PRKCH: variants seen among roughly 807,000 people sequenced by gnomAD.
PRKCH encodes protein kinase C eta type.
PRKCH carries 28 observed loss-of-function variants against 82.5 expected under a neutral mutation model. The observed-to-expected ratio is 0.34, with a 90% CI of 0.25 to 0.47. The LOEUF (loss-of-function observed/expected upper bound fraction) is 0.47. PRKCH is among the 20% of genes least tolerant of loss of function. The pLI is 1.00. For synonymous variants in PRKCH, 322 were observed against 327.4 expected, an observed-to-expected ratio of 0.98 and a Z score of 0.18; for missense variants, 705 against 881.8, an observed-to-expected ratio of 0.80 and a Z score of 2.54.
At position 61,280,971 on chromosome 14, in the gene PRKCH, G is replaced by A. The variant is rs2045258325; in HGVS notation, c.-19+93303G>A. On this transcript the variant is annotated intron_variant, in intron 1 of 3. Transcript: ENST00000555185. This position sits in a 1 kb window ranked among gnomAD's most constrained non-coding sequence, Gnocchi z 5.0. ...TATAGTCGTACTCCAGCTCCTTGAT[G>A]CCGTTGGAGGAGTAGTAGAGGCCCA... The A allele has an allele frequency of 6.5e-7, 1 of 1,542,980 alleles. No individual in the cohort carries two copies. The highest frequency in any genetic ancestry group is 8.7e-7 in the Non-Finnish European group (1 of 1,147,138).
chr14:61,501,893 G>T (rs1441626147), intron 10 of PRKCH, among the ~76,000 whole-genome samples: 1 of 151,866 alleles, frequency 6.6e-6, no homozygotes, highest in African/African-American at 2.4e-5. Context: ...TCCAGAAATG[G>T]TCTATGCATA....
chr14:61,225,962 A>C (rs2044693587), intron 1 of PRKCH, among the ~76,000 whole-genome samples: 1 of 152,212 alleles, frequency 6.6e-6, no homozygotes, highest in South Asian at 2.1e-4. Flanking sequence ...CTGGGAAGAC[A>C]TAAATATAAT....
intron 5 of PRKCH, among the ~76,000 whole-genome samples, chr14:61,450,237 T>C (rs1884440760): frequency 6.6e-6 from 1 of 152,212 alleles, no homozygotes; most frequent in African/African-American, 2.4e-5. Context: ...AATTGTGGTA[T>C]GGACTGCAGA....
intron 10 of PRKCH, among the ~76,000 whole-genome samples, chr14:61,510,393 G>C (rs1887324502): frequency 6.6e-6 from 1 of 151,974 alleles, no homozygotes; most frequent in Non-Finnish European, 1.5e-5. Flanking sequence ...ACAGCTTGGG[G>C]CAAGCCAGTA....
intron 1 of PRKCH, among the ~76,000 whole-genome samples, chr14:61,271,972 T>C (rs2045157059): frequency 6.6e-6 from 1 of 152,170 alleles, no homozygotes; most frequent in South Asian, 2.1e-4. Flanking sequence ...ACGCCTGTAA[T>C]CCCAGCACTT....
At chr14:61,362,816 T>C (rs2046247367) in intron 1 of PRKCH, among the ~76,000 whole-genome samples, 1 of 152,232 alleles carries the variant, frequency 6.6e-6, no homozygotes, top group Non-Finnish European at 1.5e-5. Flanking sequence ...AAGTCAGGGA[T>C]GGCATCTGTC....
intron 1 of PRKCH, among the ~76,000 whole-genome samples, chr14:61,208,819 T>C (rs902094909): frequency 6.6e-6 from 1 of 152,150 alleles, no homozygotes; most frequent in Non-Finnish European, 1.5e-5. Context: ...CTGAATTGTG[T>C]CCCTACAAAA....
At chr14:61,457,746 T>C in intron 9 of PRKCH, 67 bp downstream of exon 9, 2 of 1,559,988 alleles carry the variant, frequency 1.3e-6, no homozygotes, top group East Asian at 2.3e-5. Context: ...AGTAAGATAC[T>C]GGAGATTTCA....
chr14:61,516,196 A>G (rs2042827267), intron 10 of PRKCH, among the ~76,000 whole-genome samples: 1 of 152,094 alleles, frequency 6.6e-6, no homozygotes. Context: ...AGGCAACTGT[A>G]AAAGCATGGT....
chr14:61,526,156 A>G (rs1187973596), intron 10 of PRKCH, among the ~76,000 whole-genome samples: 2 of 152,088 alleles, frequency 1.3e-5, no homozygotes, highest in African/African-American at 4.8e-5. Context: ...CTGTGCTCAT[A>G]TTGTATTTAT....
At chr14:61,273,986 G>A (rs528394638) in intron 1 of PRKCH, among the ~76,000 whole-genome samples, 12 of 152,296 alleles carry the variant, frequency 7.9e-5, no homozygotes, top group African/African-American at 2.6e-4. Context: ...CTCACCTCTT[G>A]TAGGACTAGC....
intron 1 of PRKCH, among the ~76,000 whole-genome samples, chr14:61,244,019 C>T (rs111919831): frequency 0.012 from 1,857 of 151,956 alleles, 15 homozygotes; most frequent in Non-Finnish European, 0.019. Context: ...GAAAGCTGCA[C>T]ATCACCGCAG....
chr14:61,549,555 C>A, intron 13 of PRKCH, 130 bp from the exon 14 acceptor site: 1 of 1,017,078 alleles, frequency 9.8e-7, no homozygotes, highest in Non-Finnish European at 1.4e-6. Flanking sequence ...ATAACAATAA[C>A]TGTAAATAAT....
At chr14:61,252,603 C>G (rs1356255304) in intron 1 of PRKCH, among the ~76,000 whole-genome samples, 1 of 152,168 alleles carries the variant, frequency 6.6e-6, no homozygotes, top group Non-Finnish European at 1.5e-5. Context: ...ACGTGACTTC[C>G]CCTTTCCCTA....
intron 1 of PRKCH, among the ~76,000 whole-genome samples, chr14:61,227,938 C>T (rs1471852286): frequency 6.6e-6 from 1 of 152,052 alleles, no homozygotes; most frequent in African/African-American, 2.4e-5. Flanking sequence ...TTGCTTCTAC[C>T]CTAAGTGTGG....
chr14:61,210,783 TCTCTCTCTG>T (rs1555369222), intron 1 of PRKCH, among the ~76,000 whole-genome samples: 1 of 148,054 alleles, frequency 6.8e-6, no homozygotes, highest in Non-Finnish European at 1.5e-5. Flanking sequence ...TCTCTCTCTC[TCTCTCTCTG>T]TGTGTGTGTG....
chr14:61,333,536 A>G (rs560611653), intron 1 of PRKCH, among the ~76,000 whole-genome samples: 1 of 152,306 alleles, frequency 6.6e-6, no homozygotes, highest in Non-Finnish European at 1.5e-5. Flanking sequence ...AGGAGCTATA[A>G]ATTTTAGAGA....
chr14:61,363,238 T>C (rs2046253638), intron 1 of PRKCH, among the ~76,000 whole-genome samples: 1 of 152,224 alleles, frequency 6.6e-6, no homozygotes, highest in Non-Finnish European at 1.5e-5. Flanking sequence ...GAGCATATGC[T>C]TCTAGCTGAT....
In PRKCH at chr14:61,500,980, T is replaced by C. The variant is rs539601889; in HGVS notation, c.1433+15324T>C. ...GGAACAGCATGAAAATGAGACAGTATTGGCTTACAGTTAAGAACGAGGCTT... is the reference window on the plus strand; with the variant it reads ...GGAACAGCATGAAAATGAGACAGTACTGGCTTACAGTTAAGAACGAGGCTT... On this transcript the variant is annotated intron_variant, in intron 10 of 13. Coordinates refer to ENST00000332981, the MANE Select transcript of PRKCH (RefSeq NM_006255.5). Among the ~76,000 whole-genome samples, 7 of 152,292 alleles carry C rather than the reference T, an allele frequency of 4.6e-5. No homozygotes were observed. In the South Asian group the frequency reaches 1.5e-3, roughly 32 times the overall value.
Sources: allele counts gnomAD v4.1 joint callset (sites outside exome capture counted in the v4.1 genomes callset), GRCh38; gene constraint gnomAD v4.1.1; non-coding constraint Gnocchi (gnomAD v3.1); transcripts MANE v1.5; gene names NCBI Gene and HGNC (gene_info 2026-07-23, HGNC 2026-07-21).